Variants in EVI5 observed in about 807,000 individuals in gnomAD.
EVI5 encodes the protein ecotropic viral integration site 5 protein homolog.
A neutral mutation model predicts 112.0 loss-of-function variants in EVI5; 73 were observed. The observed-to-expected ratio is 0.65, with a 90% confidence interval of 0.54 to 0.79. The LOEUF (loss-of-function observed/expected upper bound fraction) is 0.79. Among genes scored for constraint, EVI5 ranks in the 30% least tolerant of loss-of-function variants. The pLI, the probability that EVI5 is intolerant of heterozygous loss-of-function variation, is 0.00. For missense variants in EVI5, 900 were observed against 968.8 expected (o/e 0.93, Z 0.94); for synonymous variants, 305 against 319.9 (o/e 0.95, Z 0.50).
chr1:92,705,139 G>A (rs753319919), intron 2 of EVI5, among the ~76,000 whole-genome samples: 5 of 152,130 alleles, frequency 3.3e-5, no homozygotes, highest in Non-Finnish European at 5.9e-5. Context: ...CGTTTACAAT[G>A]TGTCTAAGGC....
At chr1:92,764,845 C>T (rs572502949) in intron 1 of EVI5, among the ~76,000 whole-genome samples, 2 of 151,916 alleles carry the variant, frequency 1.3e-5, no homozygotes, top group Admixed American at 6.6e-5. Context: ...TTACAAATAA[C>T]GAAAATTACC....
intron 9 of EVI5, among the ~76,000 whole-genome samples, chr1:92,678,867 G>T (rs1406735345): frequency 6.6e-6 from 1 of 152,116 alleles, no homozygotes; most frequent in African/African-American, 2.4e-5. Flanking sequence ...TTTAATATAA[G>T]TTGTTATACC....
chr1:92,767,269 G>A (rs572504898), intron 1 of EVI5, among the ~76,000 whole-genome samples: 1 of 152,256 alleles, frequency 6.6e-6, no homozygotes. Flanking sequence ...CAGTGCTTGT[G>A]CTCAAGTAAT....
intron 19 of EVI5, among the ~76,000 whole-genome samples, chr1:92,545,794 C>T (rs761989371): frequency 6.6e-6 from 1 of 152,002 alleles, no homozygotes; most frequent in Admixed American, 6.6e-5. Flanking sequence ...TTCAGGAGTG[C>T]CCCTCTCTAC....
intron 9 of EVI5, 131 bp from the exon 10 acceptor site, chr1:92,677,349 A>T (rs769112023): frequency 2.1e-4 from 106 of 506,120 alleles, no homozygotes; most frequent in South Asian, 4.5e-4. Flanking sequence ...TAACTTGGAG[A>T]TATTTGATGT....
intron 1 of EVI5, among the ~76,000 whole-genome samples, chr1:92,781,445 G>C (rs867555670): frequency 6.6e-6 from 1 of 151,732 alleles, no homozygotes; most frequent in Non-Finnish European, 1.5e-5. Context: ...CACAGGAGGC[G>C]GAGGTTGCAG....
intron 18 of EVI5, among the ~76,000 whole-genome samples, chr1:92,592,759 A>T (rs1408833108): frequency 1.3e-5 from 2 of 152,258 alleles, no homozygotes; most frequent in African/African-American, 2.4e-5. Flanking sequence ...TCCCACATAC[A>T]TACAAACTAC....
intron 19 of EVI5, among the ~76,000 whole-genome samples, chr1:92,529,916 T>C (rs952573494): frequency 6.6e-6 from 1 of 152,240 alleles, no homozygotes; most frequent in Non-Finnish European, 1.5e-5. Flanking sequence ...TCATAAATAC[T>C]TTCATAAATA....
chr1:92,696,419 A>T (rs1439743923), intron 6 of EVI5, among the ~76,000 whole-genome samples: 1 of 151,842 alleles, frequency 6.6e-6, no homozygotes, highest in East Asian at 1.9e-4. Flanking sequence ...TTCAACACCA[A>T]CCTGGACAAC....
chr1:92,753,921 A>T (rs1185850948), intron 1 of EVI5, among the ~76,000 whole-genome samples: 1 of 152,194 alleles, frequency 6.6e-6, no homozygotes, highest in East Asian at 1.9e-4. Flanking sequence ...CCATATTTTG[A>T]AAAAGAAAAA....
chr1:92,576,165 A>G (rs1278863122), intron 18 of EVI5, among the ~76,000 whole-genome samples: 1 of 152,220 alleles, frequency 6.6e-6, no homozygotes, highest in Non-Finnish European at 1.5e-5. Context: ...ACACTGGTAA[A>G]TATGTATGAC....
chr1:92,649,833 C>T (rs1661769552), intron 13 of EVI5, among the ~76,000 whole-genome samples: 2 of 152,176 alleles, frequency 1.3e-5, no homozygotes, highest in Non-Finnish European at 2.9e-5. Flanking sequence ...ACTGTAAAAT[C>T]TATGGAATAT....
intron 18 of EVI5, among the ~76,000 whole-genome samples, chr1:92,588,269 T>C (rs1303721374): frequency 6.6e-6 from 1 of 152,232 alleles, no homozygotes; most frequent in African/African-American, 2.4e-5. Context: ...TGATTTTCCA[T>C]CTGAGTCGGG....
At chr1:92,755,454 TA>T (rs1435790132) in intron 1 of EVI5, among the ~76,000 whole-genome samples, 5 of 152,064 alleles carry the variant, frequency 3.3e-5, no homozygotes, top group African/African-American at 9.7e-5. Context: ...ACAAAAAAAC[TA>T]ATGATTTGTC....
intron 2 of EVI5, among the ~76,000 whole-genome samples, chr1:92,729,383 G>A (rs1055275751): frequency 1.3e-5 from 2 of 152,170 alleles, no homozygotes; most frequent in Admixed American, 6.6e-5. Flanking sequence ...CACATAAGGG[G>A]GGACTACTAT....
chr1:92,684,860 C>T (rs544433871), intron 9 of EVI5, among the ~76,000 whole-genome samples: 59 of 152,136 alleles, frequency 3.9e-4, no homozygotes, highest in African/African-American at 1.4e-3. Context: ...GCTAACTATC[C>T]TAAATATACA....
intron 9 of EVI5, among the ~76,000 whole-genome samples, chr1:92,682,709 C>T (rs921125204): frequency 1.3e-5 from 2 of 152,082 alleles, no homozygotes; most frequent in East Asian, 1.9e-4. Flanking sequence ...CAAGATCGCA[C>T]CATTGTACTC....
At chr1:92,584,202 A>C (rs1672417654) in intron 18 of EVI5, among the ~76,000 whole-genome samples, 1 of 152,230 alleles carries the variant, frequency 6.6e-6, no homozygotes, top group African/African-American at 2.4e-5. Flanking sequence ...TTCGTAAAAA[A>C]TCAAACCTTT....
At chr1:92,551,875 A>C (rs1666990381) in intron 19 of EVI5, among the ~76,000 whole-genome samples, 1 of 152,202 alleles carries the variant, frequency 6.6e-6, no homozygotes, top group Admixed American at 6.5e-5. Context: ...TATTTTTCAT[A>C]AACACTTGAC....
Sources: allele counts gnomAD v4.1 joint callset (sites outside exome capture counted in the v4.1 genomes callset), GRCh38; gene constraint gnomAD v4.1.1; transcripts MANE v1.5; gene names NCBI Gene and HGNC (gene_info 2026-07-23, HGNC 2026-07-21).